The following PPP4R4 variants were observed in gnomAD, a reference collection of about 807,000 sequenced individuals.
PPP4R4 encodes serine/threonine-protein phosphatase 4 regulatory subunit 4.
A neutral mutation model predicts 121.8 loss-of-function variants in PPP4R4; 70 were observed. The ratio of observed to expected loss-of-function variants is 0.57; its 90% CI spans 0.47 to 0.70. The LOEUF (loss-of-function observed/expected upper bound fraction) is 0.70. Ranked by LOEUF, PPP4R4 falls within the 30% of genes least tolerant of loss-of-function variation. The pLI, the probability that PPP4R4 is intolerant of heterozygous loss-of-function variation, is 0.00. For synonymous variants in PPP4R4, 348 were observed against 355.7 expected (o/e 0.98, Z 0.24); for missense variants, 875 against 1,033.6 (o/e 0.85, Z 2.10).
intron 2 of PPP4R4, among the ~76,000 whole-genome samples, chr14:94,192,642 C>G (rs1034269996): frequency 6.6e-6 from 1 of 152,146 alleles, no homozygotes; most frequent in Admixed American, 6.6e-5. Context: ...ATCACTGGCT[C>G]TCTATAACTA....
intron 18 of PPP4R4, among the ~76,000 whole-genome samples, chr14:94,259,066 C>T (rs1031883813): frequency 4.6e-5 from 7 of 152,082 alleles, no homozygotes; most frequent in South Asian, 2.1e-4. Flanking sequence ...CATCAGATCT[C>T]GAGAGACTCA....
intron 23 of PPP4R4, among the ~76,000 whole-genome samples, chr14:94,269,142 A>C (rs888973428): frequency 5.3e-5 from 8 of 152,202 alleles, no homozygotes; most frequent in Non-Finnish European, 1.2e-4. Flanking sequence ...CAAATTTGTC[A>C]GATGTTTGCA....
intron 3 of PPP4R4, among the ~76,000 whole-genome samples, chr14:94,210,771 G>T (rs570068721): frequency 6.6e-6 from 1 of 152,214 alleles, no homozygotes; most frequent in East Asian, 1.9e-4. Context: ...AATGAGAAGG[G>T]CTTTATGGGG....
chr14:94,232,189 A>G (rs1257837581), intron 5 of PPP4R4, among the ~76,000 whole-genome samples: 1 of 152,226 alleles, frequency 6.6e-6, no homozygotes, highest in Non-Finnish European at 1.5e-5. Flanking sequence ...GAAAAATGGA[A>G]AGAAAAGTAT....
chr14:94,276,157 G>C (rs1025393645), intron 24 of PPP4R4, among the ~76,000 whole-genome samples: 1 of 152,188 alleles, frequency 6.6e-6, no homozygotes, highest in Non-Finnish European at 1.5e-5. Flanking sequence ...GATTCAGCCA[G>C]GATACCCAAA....
At chr14:94,271,814 T>C (rs1400860508) in intron 23 of PPP4R4, among the ~76,000 whole-genome samples, 3 of 152,180 alleles carry the variant, frequency 2.0e-5, no homozygotes, top group Non-Finnish European at 4.4e-5. Context: ...AAGGGTAATA[T>C]ATGAAGGTCA....
At position 94,230,711 on chromosome 14, in the gene PPP4R4, T is replaced by C; in HGVS notation, c.419T>C (p.Leu140Pro). 1 of 1,613,604 alleles carries C rather than the reference T, an allele frequency of 6.2e-7. No homozygotes were observed. Among genetic ancestry groups the C allele is most frequent in the Non-Finnish European group, 8.5e-7 (1 of 1,179,584 alleles). ...YTHSFLQVIL[L>P]HLEHRDTGVS... is the part of the protein sequence containing the mutation. ...CACTCATTCCTCCAAGTCATTCTCC[T>C]GCATCTGGAGCACAGGGACACAGGT... Residue 140 changes from leucine (L) to proline (P), a missense_variant, in exon 4 of 25, where the codon CTG (leucine) becomes CCG (proline). Physicochemically the swap from Leu to Pro is moderately conservative, Grantham distance 98. Coordinates refer to ENST00000304338, the MANE Select transcript of PPP4R4 (RefSeq NM_058237.2).
intron 14 of PPP4R4, among the ~76,000 whole-genome samples, chr14:94,246,873 T>C (rs1471905516): frequency 1.3e-5 from 2 of 152,214 alleles, no homozygotes; most frequent in Non-Finnish European, 2.9e-5. Context: ...CTCAGTGACC[T>C]TGACTGCAAA....
chr14:94,264,756 A>C, intron 19 of PPP4R4, 122 bp from the exon 20 acceptor site: 2 of 757,080 alleles, frequency 2.6e-6, no homozygotes, highest in South Asian at 3.2e-5. Context: ...ACATTGGAAA[A>C]AAATACTTCT....
chr14:94,194,025 G>A (rs936998378), intron 2 of PPP4R4, among the ~76,000 whole-genome samples: 1 of 152,142 alleles, frequency 6.6e-6, no homozygotes, highest in Non-Finnish European at 1.5e-5. Context: ...CAACAAGAAA[G>A]ACTATAAAAC....
intron 5 of PPP4R4, 69 bp from the exon 6 acceptor site, chr14:94,233,584 G>A (rs113622688): frequency 8.5e-6 from 8 of 944,796 alleles, no homozygotes; most frequent in Non-Finnish European, 1.2e-5. Context: ...TACTCTGAAG[G>A]AATAGCTGAC....
At chr14:94,227,694 G>A in intron 3 of PPP4R4, 1 of 1,026,358 alleles carries the variant, frequency 9.7e-7, no homozygotes, top group Middle Eastern at 4.7e-4. Context: ...CAAAACCCAG[G>A]ACTTTAATGA....
chr14:94,222,245 T>A (rs1186089564), intron 3 of PPP4R4, among the ~76,000 whole-genome samples: 1 of 152,026 alleles, frequency 6.6e-6, no homozygotes, highest in Non-Finnish European at 1.5e-5. Context: ...ATTTATTTTA[T>A]TTGAATTGAT....
intron 19 of PPP4R4, 79 bp downstream of exon 19, chr14:94,259,448 T>G (rs1425525492): frequency 7.2e-7 from 1 of 1,388,614 alleles, no homozygotes; most frequent in Non-Finnish European, 9.4e-7. Flanking sequence ...TAATCATTTC[T>G]TTCCATTTCA....
At chr14:94,197,375 T>A (rs539568470) in intron 2 of PPP4R4, among the ~76,000 whole-genome samples, 4 of 152,140 alleles carry the variant, frequency 2.6e-5, no homozygotes, top group Admixed American at 2.6e-4. Context: ...CACGTAGTTA[T>A]GGTGTAGATG....
chr14:94,188,298 T>A (rs759463025), intron 2 of PPP4R4, among the ~76,000 whole-genome samples: 12 of 152,174 alleles, frequency 7.9e-5, no homozygotes, highest in Non-Finnish European at 1.5e-4. Flanking sequence ...ACCTGTTCAT[T>A]ATGTATTAGT....
intron 2 of PPP4R4, among the ~76,000 whole-genome samples, chr14:94,185,005 T>G (rs1272343123): frequency 1.3e-5 from 2 of 152,216 alleles, no homozygotes; most frequent in African/African-American, 2.4e-5. Flanking sequence ...GGAGATAGTT[T>G]AAGGAAGCAA....
chr14:94,245,589 A>G lies in PPP4R4; in HGVS notation c.1347A>G (p.Val449=). ...GTAATCAATATCTCTGTTAAAAGGT[A>G]CTAGATGCTCTTATAGATCATCTTC... ...ITLLQDESLE[V]LDALIDHLPE... The change falls in exon 13 of 25, where the codon GTA becomes GTG. Residue 449 remains valine, a splice_region_variant and synonymous_variant. Coordinates refer to ENST00000304338, the MANE Select transcript of PPP4R4 (RefSeq NM_058237.2). 6.4e-7 allele frequency: 1 copy of G among 1,554,414 alleles called. No homozygotes were observed. The highest frequency in any genetic ancestry group is 8.8e-7 in the Non-Finnish European group (1 of 1,130,206).
At chr14:94,265,713 T>A in intron 21 of PPP4R4, 81 bp from the exon 22 acceptor site, 1 of 1,040,046 alleles carries the variant, frequency 9.6e-7, no homozygotes, top group Non-Finnish European at 1.4e-6. Flanking sequence ...CTGAAAATGA[T>A]GGTAGTTGGG....
Sources: gnomAD v4.1 joint callset for allele counts (sites outside exome capture counted in the v4.1 genomes callset) on GRCh38, gnomAD v4.1.1 for gene constraint, MANE v1.5 for transcripts, NCBI Gene and HGNC (gene_info 2026-07-23, HGNC 2026-07-21) for gene names.